MARCHF1: variants seen among roughly 807,000 people sequenced by gnomAD.
MARCHF1 encodes the protein membrane associated ring-CH-type finger 1.
MARCHF1 carries 40 observed loss-of-function variants against 54.2 expected under a neutral mutation model. That is an observed-to-expected ratio of 0.74 (90% CI 0.57 to 0.96). MARCHF1 has a LOEUF of 0.96. MARCHF1 is among the 40% of genes least tolerant of loss of function. The pLI, the probability that MARCHF1 is intolerant of heterozygous loss-of-function variation, is 0.00. For missense variants in MARCHF1, 586 were observed against 656.5 expected, an observed-to-expected ratio of 0.89 and a Z score of 1.17; for synonymous variants, 236 against 236.3, an observed-to-expected ratio of 1.00 and a Z score of 0.01.
intron 9 of MARCHF1, among the ~76,000 whole-genome samples, chr4:163,544,976 T>C (rs892020333): frequency 5.9e-5 from 9 of 152,212 alleles, no homozygotes; most frequent in Admixed American, 2.6e-4. Flanking sequence ...TAATATTTTA[T>C]AGACATTGTG....
At chr4:164,370,833 G>A (rs1173379877) in intron 1 of MARCHF1, among the ~76,000 whole-genome samples, 6 of 152,164 alleles carry the variant, frequency 3.9e-5, no homozygotes, top group African/African-American at 9.6e-5. Flanking sequence ...TCTTGAGCCC[G>A]GGAGGCGGAG....
At chr4:164,223,001 C>T (rs867700873) in intron 1 of MARCHF1, among the ~76,000 whole-genome samples, 2 of 151,952 alleles carry the variant, frequency 1.3e-5, no homozygotes, top group Non-Finnish European at 2.9e-5. Flanking sequence ...TAAACGGCAG[C>T]AGGGAAGGGA....
intron 1 of MARCHF1, among the ~76,000 whole-genome samples, chr4:164,199,681 C>CACACAGAG (rs1462208986): frequency 1.9e-4 from 9 of 47,656 alleles, no homozygotes; most frequent in South Asian, 1.0e-3. Context: ...CACACACACA[C>CACACAGAG]AGAGAGAGAG....
intron 1 of MARCHF1, among the ~76,000 whole-genome samples, chr4:164,281,633 G>A (rs1478935917): frequency 1.3e-5 from 2 of 152,156 alleles, no homozygotes; most frequent in African/African-American, 4.8e-5. Context: ...TGGCTTCGTA[G>A]GGCTGCAATG....
chr4:163,871,875 T>A (rs1168863986), intron 3 of MARCHF1, among the ~76,000 whole-genome samples: 1 of 152,196 alleles, frequency 6.6e-6, no homozygotes, highest in African/African-American at 2.4e-5. Context: ...AAAATTTGTT[T>A]TAGATTTTTT....
At chr4:164,052,923 T>A (rs1754404421) in intron 2 of MARCHF1, among the ~76,000 whole-genome samples, 1 of 152,170 alleles carries the variant, frequency 6.6e-6, no homozygotes, top group African/African-American at 2.4e-5. Flanking sequence ...AGAACTATCC[T>A]ACAAAAACAT....
At chr4:163,611,712 A>C (rs1475092428) in intron 7 of MARCHF1, among the ~76,000 whole-genome samples, 1 of 152,092 alleles carries the variant, frequency 6.6e-6, no homozygotes, top group African/African-American at 2.4e-5. Flanking sequence ...CAGTAAAGTT[A>C]ATGTGGCCCC....
intron 3 of MARCHF1, among the ~76,000 whole-genome samples, chr4:163,948,177 A>T (rs1006154135): frequency 1.3e-5 from 2 of 152,168 alleles, no homozygotes; most frequent in Non-Finnish European, 2.9e-5. Flanking sequence ...TTTAAACTAA[A>T]TAACCAATAT....
At chr4:163,826,591 A>G (rs1748853848) in intron 4 of MARCHF1, among the ~76,000 whole-genome samples, 1 of 152,084 alleles carries the variant, frequency 6.6e-6, no homozygotes, top group African/African-American at 2.4e-5. Context: ...TACAGACAGT[A>G]TTTAGCAAAA....
At chr4:164,102,553 C>T (rs2111161518) in intron 2 of MARCHF1, among the ~76,000 whole-genome samples, 1 of 150,634 alleles carries the variant, frequency 6.6e-6, no homozygotes, top group East Asian at 1.9e-4. Flanking sequence ...CCTTTACAGA[C>T]AAGCAAATGC....
At chr4:164,247,739 G>A (rs1179454773) in intron 1 of MARCHF1, among the ~76,000 whole-genome samples, 3 of 150,558 alleles carry the variant, frequency 2.0e-5, no homozygotes, top group Non-Finnish European at 4.4e-5. Flanking sequence ...TTTTCAAAAT[G>A]GTCATGGCTA....
intron 7 of MARCHF1, among the ~76,000 whole-genome samples, chr4:163,596,797 A>G (rs986716104): frequency 6.6e-6 from 1 of 152,178 alleles, no homozygotes; most frequent in East Asian, 1.9e-4. Flanking sequence ...GTAAAATTAC[A>G]AACATACAAT....
chr4:163,693,608 G>A (rs1302659707), intron 5 of MARCHF1, among the ~76,000 whole-genome samples: 1 of 151,270 alleles, frequency 6.6e-6, no homozygotes, highest in African/African-American at 2.4e-5. Context: ...TAGTGTTCTG[G>A]ATCAAGGCCA....
At chr4:163,867,120 C>T (rs941834651) in intron 3 of MARCHF1, among the ~76,000 whole-genome samples, 29 of 151,848 alleles carry the variant, frequency 1.9e-4, no homozygotes, top group Admixed American at 5.3e-4. Flanking sequence ...CTTTCTGGCA[C>T]GGCTAGACTT....
intron 7 of MARCHF1, among the ~76,000 whole-genome samples, chr4:163,588,613 C>T (rs1243118807): frequency 1.3e-5 from 2 of 152,050 alleles, no homozygotes; most frequent in Admixed American, 6.6e-5. Flanking sequence ...TCTCTTCAAC[C>T]GGGGGTCAGT....
intron 3 of MARCHF1, among the ~76,000 whole-genome samples, chr4:163,951,776 A>G (rs1429895461): frequency 6.6e-6 from 1 of 152,218 alleles, no homozygotes; most frequent in Non-Finnish European, 1.5e-5. Context: ...TATACTTTAG[A>G]AAGTAAGAGT....
intron 4 of MARCHF1, among the ~76,000 whole-genome samples, chr4:163,726,488 C>T (rs1427647732): frequency 6.6e-6 from 1 of 152,052 alleles, no homozygotes; most frequent in Non-Finnish European, 1.5e-5. Flanking sequence ...TCTGGATATT[C>T]CACACTTTTT....
intron 2 of MARCHF1, among the ~76,000 whole-genome samples, chr4:164,110,219 T>C (rs1375313038): frequency 6.6e-6 from 1 of 151,782 alleles, no homozygotes; most frequent in African/African-American, 2.4e-5. Context: ...ATGAGGTTTT[T>C]TTAGGGGAAA....
chr4:163,982,903 A>G (rs1351015068), intron 3 of MARCHF1, among the ~76,000 whole-genome samples: 1 of 152,250 alleles, frequency 6.6e-6, no homozygotes. Context: ...AGTGTGTGCC[A>G]TTGATTCAAT....
Sources: allele counts gnomAD v4.1 joint callset (sites outside exome capture counted in the v4.1 genomes callset), GRCh38; gene constraint gnomAD v4.1.1; transcripts MANE v1.5; gene names NCBI Gene and HGNC (gene_info 2026-07-23, HGNC 2026-07-21).